The following MAML1 variants were observed in gnomAD, a reference collection of about 807,000 sequenced individuals.
MAML1 encodes the protein mastermind like transcriptional coactivator 1, also known as mastermind-like protein 1.
A neutral mutation model predicts 77.1 loss-of-function variants in MAML1; 14 were observed. The ratio of observed to expected loss-of-function variants is 0.18; its 90% CI spans 0.12 to 0.28. MAML1 has a LOEUF of 0.28. Ranked by LOEUF, MAML1 falls within the 10% of genes least tolerant of loss-of-function variation. The pLI, the probability that MAML1 is intolerant of heterozygous loss-of-function variation, is 1.00. For missense variants in MAML1, 1,217 were observed against 1,327.8 expected (o/e 0.92, Z 1.30); for synonymous variants, 516 against 551.9 (o/e 0.93, Z 0.91).
rs564843295 is a variant in MAML1 at position 179,733,449 on chromosome 5, G to T, written c.315+22G>T. On this transcript the variant is annotated intron_variant, in intron 1 of 4. Transcript: ENST00000292599. The stretch of plus-strand genomic sequence containing the variant: ...CACGGTGAGTAGGGCGCGGGAAGGC[G>T]CTTGTCGTGGCGGCAGCCCCCTCTC... The T allele has an allele frequency of 9.8e-5, 107 of 1,089,410 alleles. No homozygotes were observed. In the South Asian group the frequency reaches 3.8e-3, roughly 39 times the overall value. The allele number at this position is 1,089,410 out of a possible 1,614,324, so 67.5% of individuals were successfully genotyped here.
At chr5:179,767,924 G>T (rs899699747) in intron 2 of MAML1, among the ~76,000 whole-genome samples, 1 of 152,220 alleles carries the variant, frequency 6.6e-6, no homozygotes, top group African/African-American at 2.4e-5. Flanking sequence ...GGATAATATT[G>T]TGGTGGCCTT....
At chr5:179,753,890 T>C (rs1017982200) in intron 1 of MAML1, among the ~76,000 whole-genome samples, 3 of 151,910 alleles carry the variant, frequency 2.0e-5, no homozygotes, top group African/African-American at 7.2e-5. Context: ...CAAGCTGGTC[T>C]CGAACTCCCG....
chr5:179,749,900 C>T (rs781160505), intron 1 of MAML1, among the ~76,000 whole-genome samples: 8 of 152,226 alleles, frequency 5.3e-5, no homozygotes, highest in South Asian at 2.1e-4. Context: ...GCCTGGTCCC[C>T]ACCTTGGCCC....
intron 1 of MAML1, among the ~76,000 whole-genome samples, chr5:179,742,300 C>A (rs1779298376): frequency 6.6e-6 from 1 of 151,540 alleles, no homozygotes; most frequent in Non-Finnish European, 1.5e-5. Context: ...ACCAGTCTGG[C>A]CAATATGGTG....
chr5:179,734,924 A>C (rs1779136671), intron 1 of MAML1, among the ~76,000 whole-genome samples: 1 of 152,064 alleles, frequency 6.6e-6, no homozygotes, highest in Non-Finnish European at 1.5e-5. Context: ...CTTTCTTCCA[A>C]CTTGATCTCT....
chr5:179,736,229 T>A (rs1779169104), intron 1 of MAML1, among the ~76,000 whole-genome samples: 1 of 152,196 alleles, frequency 6.6e-6, no homozygotes, highest in Non-Finnish European at 1.5e-5. Context: ...CTTTCATGGC[T>A]CATAGTAACA....
intron 1 of MAML1, among the ~76,000 whole-genome samples, chr5:179,754,021 C>T (rs937342043): frequency 6.6e-6 from 1 of 151,970 alleles, no homozygotes; most frequent in Non-Finnish European, 1.5e-5. Flanking sequence ...CAATGGCTCA[C>T]GCCTGTAATC....
intron 1 of MAML1, among the ~76,000 whole-genome samples, chr5:179,739,224 TTA>T (rs1779230688): frequency 6.6e-6 from 1 of 152,098 alleles, no homozygotes; most frequent in Admixed American, 6.5e-5. Flanking sequence ...TTAACACAAA[TTA>T]TAATATGCAG....
At chr5:179,748,957 T>TG (rs201834776) in intron 1 of MAML1, among the ~76,000 whole-genome samples, 53 of 47,784 alleles carry the variant, frequency 1.1e-3, no homozygotes, top group Admixed American at 3.2e-3. Context: ...TTTGTTTTTT[T>TG]TTTTTTTGTT....
rs371709050 is a variant in MAML1 at position 179,771,183 on chromosome 5, C to A, written c.2008C>A (p.Pro670Thr). 1 of 1,614,084 alleles carries A rather than the reference C, an allele frequency of 6.2e-7. No individual in the cohort carries two copies. The highest frequency in any genetic ancestry group is 1.3e-5 in the African/African-American group (1 of 74,932). ...QQFQRHLTRP[P>T]PQYQDPTQGS... ...GTTTCAGCGCCATCTGACCCGCCCA[C>A]CACCCCAGTACCAAGACCCGACACA... The change falls in exon 4 of 5, where the codon CCA (proline) becomes ACA (threonine). Residue 670 changes from proline (P) to threonine (T), a missense_variant. This residue lies in a region of MAML1 where 884 missense variants were observed against 949.3 expected (regional missense o/e 0.93). Coordinates refer to ENST00000292599, the MANE Select transcript of MAML1 (RefSeq NM_014757.5). This position sits in a 1 kb window ranked among gnomAD's most constrained non-coding sequence, Gnocchi z 4.7.
chr5:179,733,868 C>G (rs757321843), intron 1 of MAML1, among the ~76,000 whole-genome samples: 3 of 152,188 alleles, frequency 2.0e-5, no homozygotes, highest in Admixed American at 6.5e-5. Flanking sequence ...TCAGGGCTTT[C>G]ATGTGGAAAT....
intron 4 of MAML1, among the ~76,000 whole-genome samples, chr5:179,773,524 C>T (rs943118966): frequency 2.7e-5 from 4 of 150,524 alleles, no homozygotes; most frequent in Non-Finnish European, 4.4e-5. Flanking sequence ...CGCCCCATTG[C>T]GCCCCATCGT....
chr5:179,741,213 C>G (rs971318901), intron 1 of MAML1, among the ~76,000 whole-genome samples: 3 of 152,206 alleles, frequency 2.0e-5, no homozygotes. Flanking sequence ...GTGGTTCTTT[C>G]AACCAACATT....
intron 1 of MAML1, among the ~76,000 whole-genome samples, chr5:179,755,922 G>A (rs1468111430): frequency 6.6e-6 from 1 of 151,294 alleles, no homozygotes; most frequent in African/African-American, 2.4e-5. Context: ...CCACCACCAC[G>A]CCCAGCTAAT....
chr5:179,769,187 C>T lies in MAML1; in HGVS notation c.1971+98C>T, dbSNP rs938396807. 12 of 1,509,280 alleles carry T rather than the reference C, an allele frequency of 8.0e-6. No homozygotes were observed. The highest frequency in any genetic ancestry group is 1.9e-5 in the Admixed American group (1 of 52,274). 93.5% of individuals were successfully genotyped at this position (1,509,280 alleles called of 1,614,324 possible). On this transcript the variant is annotated intron_variant, in intron 3 of 4. Coordinates refer to ENST00000292599, the MANE Select transcript of MAML1 (RefSeq NM_014757.5). This position sits in a 1 kb window ranked among gnomAD's most constrained non-coding sequence, Gnocchi z 4.2. ...CCTTCTGCTTGTGCGTGTGGATTTG[C>T]GCAGACTTGCGTGCCTGTTGTTAGA... is the stretch of plus-strand genomic sequence containing the variant.
intron 4 of MAML1, among the ~76,000 whole-genome samples, chr5:179,773,283 C>T (rs1323258788): frequency 3.9e-5 from 6 of 152,254 alleles, no homozygotes; most frequent in Non-Finnish European, 7.3e-5. Flanking sequence ...CTGCATATCC[C>T]GGCCACGGCC....
At chr5:179,735,730 C>G (rs1011607155) in intron 1 of MAML1, among the ~76,000 whole-genome samples, 1 of 151,370 alleles carries the variant, frequency 6.6e-6, no homozygotes, top group African/African-American at 2.4e-5. Flanking sequence ...CCCTGTCACC[C>G]AGGCTGGAGT....
rs777743610 is a variant in MAML1 at position 179,765,423 on chromosome 5, A to T, written c.413A>T (p.Lys138Met). ...TACGGGGACCTCTTTCCTGGGCATA[A>T]GAAGACTCGCCGGGAGGCCCCTCTG... Reference protein sequence around the residue: ...NGYGDLFPGHKKTRREAPLGV... With the variant: ...NGYGDLFPGHMKTRREAPLGV... Residue 138 changes from lysine (K) to methionine (M), a missense_variant, in exon 2 of 5, where the codon AAG becomes ATG. Physicochemically the swap from Lys to Met is moderately conservative, Grantham distance 95. Coordinates refer to ENST00000292599, the MANE Select transcript of MAML1 (RefSeq NM_014757.5). 2.9e-5 allele frequency: 47 copies of T among 1,614,092 alleles called. 1 individual carries two copies. Among genetic ancestry groups the T allele is most frequent in the Non-Finnish European group, 3.9e-5 (46 of 1,180,040 alleles).
intron 1 of MAML1, among the ~76,000 whole-genome samples, chr5:179,748,431 C>A (rs1779423257): frequency 6.8e-6 from 1 of 148,088 alleles, no homozygotes; most frequent in South Asian, 2.1e-4. Flanking sequence ...ATGTTCTGTG[C>A]CTTTGACCAC....
Sources: allele counts gnomAD v4.1 joint callset (sites outside exome capture counted in the v4.1 genomes callset), GRCh38; gene constraint gnomAD v4.1.1; regional missense constraint gnomAD v4.1.1; non-coding constraint Gnocchi (gnomAD v3.1); transcripts MANE v1.5; gene names NCBI Gene and HGNC (gene_info 2026-07-23, HGNC 2026-07-21).